ADAMTS6: variants seen among roughly 807,000 people sequenced by gnomAD.
ADAMTS6 encodes the protein ADAM metallopeptidase with thrombospondin type 1 motif 6, also known as A disintegrin and metalloproteinase with thrombospondin motifs 6.
A neutral mutation model predicts 144.3 loss-of-function variants in ADAMTS6; 23 were observed. The ratio of observed to expected loss-of-function variants is 0.16; its 90% CI spans 0.11 to 0.23. ADAMTS6 has a LOEUF of 0.23. Among genes scored for constraint, ADAMTS6 ranks in the 10% least tolerant of loss-of-function variants. The pLI is 1.00. For missense variants in ADAMTS6, 999 were observed against 1,379.6 expected (o/e 0.72, Z 4.37); for synonymous variants, 444 against 457.5 (o/e 0.97, Z 0.38).
chr5:65,282,827 T>C (rs1169037995), intron 11 of ADAMTS6, among the ~76,000 whole-genome samples: 1 of 152,050 alleles, frequency 6.6e-6, no homozygotes, highest in Non-Finnish European at 1.5e-5. Context: ...CTCAACTAGA[T>C]TTTCAGGTTT....
At chr5:65,248,504 C>T (rs1343982016) in intron 14 of ADAMTS6, among the ~76,000 whole-genome samples, 2 of 151,990 alleles carry the variant, frequency 1.3e-5, no homozygotes, top group Non-Finnish European at 2.9e-5. Context: ...AGCTTATAAA[C>T]ACATTAAAAA....
At position 65,460,208 on chromosome 5, in the gene ADAMTS6, T is replaced by C. The variant is rs932036382; in HGVS notation, c.593A>G (p.Gln198Arg). The change falls in exon 4 of 25, where the codon CAA becomes CGA. Residue 198 changes from glutamine (Q) to arginine (R), a missense_variant. Around this residue, in one of 3 missense-constraint regions of ADAMTS6, gnomAD observed 252 missense variants for 293.7 expected, o/e 0.86. Transcript: ENST00000381055. ...ATGAGAGTGATCATACAGATGTCGT[T>C]GTTGAAGGGCAGACTTTTTGTAAAT... ...HVIYKKSALQ[Q>R]RHLYDHSHCG... The C allele has an allele frequency of 6.2e-7, 1 of 1,614,108 alleles. No homozygotes were observed. The highest frequency in any genetic ancestry group is 8.5e-7 in the Non-Finnish European group (1 of 1,179,968).
chr5:65,153,184 C>T (rs1238703700), intron 24 of ADAMTS6, among the ~76,000 whole-genome samples: 2 of 152,184 alleles, frequency 1.3e-5, no homozygotes, highest in African/African-American at 2.4e-5. Flanking sequence ...TTATTGATCT[C>T]AATTTTTAAA....
intron 15 of ADAMTS6, among the ~76,000 whole-genome samples, chr5:65,227,644 A>T (rs750248303): frequency 1.3e-5 from 2 of 152,076 alleles, no homozygotes; most frequent in Admixed American, 6.5e-5. Flanking sequence ...AGAAAAAGAA[A>T]ATCGACTGGG....
intron 7 of ADAMTS6, among the ~76,000 whole-genome samples, chr5:65,374,013 G>C (rs1396530451): frequency 6.6e-6 from 1 of 152,212 alleles, no homozygotes; most frequent in Non-Finnish European, 1.5e-5. Context: ...AAAACCACAT[G>C]ATTATCTCAA....
chr5:65,236,734 G>A lies in ADAMTS6; in HGVS notation c.1933+5370C>T, dbSNP rs544342477. Among the ~76,000 whole-genome samples, 11 of 152,082 alleles carry A rather than the reference G, an allele frequency of 7.2e-5. 1 individual carries two copies. Among genetic ancestry groups the A allele is most frequent in the African/African-American group, 2.7e-4 (11 of 41,470 alleles). On this transcript the variant is annotated intron_variant, in intron 15 of 24. Coordinates refer to ENST00000381055, the MANE Select transcript of ADAMTS6 (RefSeq NM_197941.4). ...GTAAATAAAATAGTTTGAACTAAAA[G>A]CTATAAAATATAACATCAAATTTTG...
In ADAMTS6 at chr5:65,151,572, G is replaced by A; in HGVS notation, c.*264C>T. The A allele has an allele frequency of 2.5e-6, 1 of 401,130 alleles. No individual in the cohort carries two copies. Among genetic ancestry groups the A allele is most frequent in the East Asian group, 3.5e-5 (1 of 28,698 alleles). The allele number at this position is 401,130 out of a possible 1,614,324, so 24.8% of individuals were successfully genotyped here. On this transcript the variant is annotated 3_prime_UTR_variant, in exon 25 of 25. Transcript: ENST00000381055. ...CTCGAAAGAACACAAACGCTCCACA[G>A]TAAGCAAGTCTCCCTGTGTTGTTTG...
chr5:65,262,531 A>AG (rs1761288286), intron 13 of ADAMTS6, among the ~76,000 whole-genome samples: 1 of 152,158 alleles, frequency 6.6e-6, no homozygotes, highest in African/African-American at 2.4e-5. Context: ...TAGTTTTTGG[A>AG]GGAGGAAATC....
At chr5:65,217,328 C>T (rs573609752) in intron 18 of ADAMTS6, among the ~76,000 whole-genome samples, 1 of 151,228 alleles carries the variant, frequency 6.6e-6, no homozygotes, top group African/African-American at 2.4e-5. Flanking sequence ...AAGATAAAAA[C>T]AACTATGTGG....
intron 15 of ADAMTS6, among the ~76,000 whole-genome samples, chr5:65,233,007 A>T (rs1758380548): frequency 6.6e-6 from 1 of 152,176 alleles, no homozygotes. Context: ...ATCATGATCA[A>T]GTAGGGTTTA....
chr5:65,268,311 C>T (rs941516739), intron 12 of ADAMTS6, among the ~76,000 whole-genome samples: 3 of 152,196 alleles, frequency 2.0e-5, no homozygotes, highest in Admixed American at 6.5e-5. Flanking sequence ...TGGTCACCAA[C>T]AGGGATTACA....
chr5:65,364,414 T>C (rs1025299172), intron 7 of ADAMTS6, among the ~76,000 whole-genome samples: 1 of 152,114 alleles, frequency 6.6e-6, no homozygotes, highest in South Asian at 2.1e-4. Flanking sequence ...TATCATCATG[T>C]TGCACAACAC....
At chr5:65,328,957 T>G (rs1022637786) in intron 9 of ADAMTS6, among the ~76,000 whole-genome samples, 3 of 152,080 alleles carry the variant, frequency 2.0e-5, no homozygotes, top group South Asian at 2.1e-4. Context: ...TAGCAATGTC[T>G]GCACAAACTT....
intron 9 of ADAMTS6, among the ~76,000 whole-genome samples, chr5:65,317,203 T>C (rs1561415276): frequency 6.6e-6 from 1 of 152,202 alleles, no homozygotes; most frequent in Non-Finnish European, 1.5e-5. Context: ...AATCTACATA[T>C]GCATTTGGAG....
In ADAMTS6 at chr5:65,470,964, A is replaced by G. The variant is rs759554086; in HGVS notation, c.276T>C (p.Tyr92=). The G allele has an allele frequency of 1.2e-6, 2 of 1,612,998 alleles. No homozygotes were observed. The highest frequency in any genetic ancestry group is 1.7e-6 in the Non-Finnish European group (2 of 1,179,562). Residue 92 remains tyrosine, a synonymous_variant, in exon 3 of 25, where the codon TAT becomes TAC. Transcript: ENST00000381055. The part of the protein sequence containing the change: ...VSKLFFKLSA[Y]GKHFHLNLTL... ...TCAAGTTTAGATGAAAGTGCTTGCC[A>G]TAGGCTGAAAGTTTAAAAAATAACT...
Position 65,151,588 on chromosome 5 carries a change from G to C in ADAMTS6, c.*248C>G, listed in dbSNP as rs1289984008. The C allele has an allele frequency of 2.3e-6, 1 of 430,180 alleles. No individual in the cohort carries two copies. Among genetic ancestry groups the C allele is most frequent in the African/African-American group, 1.9e-5 (1 of 51,344 alleles). 26.6% of individuals were successfully genotyped at this position (430,180 alleles called of 1,614,324 possible). A position where few individuals can be genotyped will look rare whatever the true frequency, so the allele number is the denominator to read the frequency against. On this transcript the variant is annotated 3_prime_UTR_variant, in exon 25 of 25. Transcript: ENST00000381055. ...CGCTCCACAGTAAGCAAGTCTCCCTGTGTTGTTTGGATCTCTCCAATCTGG... is the reference window on the plus strand; with the variant it reads ...CGCTCCACAGTAAGCAAGTCTCCCTCTGTTGTTTGGATCTCTCCAATCTGG...
chr5:65,219,211 G>C (rs75048188), intron 18 of ADAMTS6, among the ~76,000 whole-genome samples: 4 of 152,208 alleles, frequency 2.6e-5, no homozygotes, highest in African/African-American at 9.6e-5. Context: ...TGTGTTAGTA[G>C]ATAAAGTTCT....
chr5:65,259,306 G>A (rs936257608), intron 14 of ADAMTS6, among the ~76,000 whole-genome samples: 2 of 152,068 alleles, frequency 1.3e-5, no homozygotes, highest in African/African-American at 4.8e-5. Flanking sequence ...CCAGGAGACA[G>A]AGGTTACAGT....
intron 14 of ADAMTS6, among the ~76,000 whole-genome samples, chr5:65,252,515 A>G (rs1488581231): frequency 1.3e-5 from 2 of 151,508 alleles, no homozygotes; most frequent in Non-Finnish European, 2.9e-5. Context: ...TGCTGGGATT[A>G]CAGGCATGAG....
Sources: allele counts gnomAD v4.1 joint callset (sites outside exome capture counted in the v4.1 genomes callset), GRCh38; gene constraint gnomAD v4.1.1; regional missense constraint gnomAD v4.1.1; transcripts MANE v1.5; gene names NCBI Gene and HGNC (gene_info 2026-07-23, HGNC 2026-07-21).